ZFP64: variants seen among roughly 807,000 people sequenced by gnomAD.
The protein encoded by ZFP64 is ZFP64 zinc finger protein.
Under a neutral mutation model 51.6 loss-of-function variants are expected in ZFP64, and 14 were observed. The ratio of observed to expected loss-of-function variants is 0.27; its 90% CI spans 0.18 to 0.42. The LOEUF is 0.42. Among genes scored for constraint, ZFP64 ranks in the 10% least tolerant of loss-of-function variants. The pLI, the probability that ZFP64 is intolerant of heterozygous loss-of-function variation, is 1.00. For missense variants in ZFP64, 754 were observed against 906.8 expected (o/e 0.83, Z 2.16); for synonymous variants, 375 against 361.4 (o/e 1.04, Z -0.43).
At chr20:52,115,044 A>C (rs1978788914) in intron 5 of ZFP64, among the ~76,000 whole-genome samples, 1 of 152,000 alleles carries the variant, frequency 6.6e-6, no homozygotes, top group Non-Finnish European at 1.5e-5. Context: ...AAAAATACAA[A>C]AACAAAAAAA....
chr20:52,098,231 A>G (rs144649050), intron 6 of ZFP64, among the ~76,000 whole-genome samples: 114 of 151,896 alleles, frequency 7.5e-4, no homozygotes, highest in African/African-American at 2.8e-3. Flanking sequence ...GCTACTATGA[A>G]TCCAATGTTC....
intron 5 of ZFP64, among the ~76,000 whole-genome samples, chr20:52,103,659 C>T (rs1338315574): frequency 7.9e-5 from 12 of 152,178 alleles, no homozygotes; most frequent in Non-Finnish European, 1.2e-4. Context: ...TCTATAAACA[C>T]CTCCCCCAAA....
At chr20:52,162,129 CT>C (rs539501519) in intron 4 of ZFP64, among the ~76,000 whole-genome samples, 6 of 151,818 alleles carry the variant, frequency 4.0e-5, no homozygotes, top group Non-Finnish European at 8.8e-5. Flanking sequence ...GAAACCCTGT[CT>C]GAACTAAAAA....
chr20:52,166,120 G>C (rs1215190728), intron 2 of ZFP64, 95 bp from the exon 3 acceptor site: 1 of 1,332,046 alleles, frequency 7.5e-7, no homozygotes, highest in Non-Finnish European at 1.0e-6. Context: ...GCATGTACTA[G>C]TTTGCTTTCC....
chr20:52,172,780 C>T (rs1982862821), intron 2 of ZFP64, among the ~76,000 whole-genome samples: 1 of 152,074 alleles, frequency 6.6e-6, no homozygotes, highest in South Asian at 2.1e-4. Flanking sequence ...AATCAAGCCT[C>T]CTGTTTAGTG....
chr20:52,160,108 A>G lies in ZFP64; in HGVS notation c.763+15T>C. On this transcript the variant is annotated intron_variant, in intron 5 of 5. Coordinates refer to ENST00000216923, the MANE Select transcript of ZFP64 (RefSeq NM_018197.3). This position sits in a 1 kb window ranked among gnomAD's most constrained non-coding sequence, Gnocchi z 4.2. ...AAGTGAGGAGCGTAGAGAGCAAATAACAGGCAGGACTCACCCGTGTGGGAT... is the reference window on the plus strand; with the variant it reads ...AAGTGAGGAGCGTAGAGAGCAAATAGCAGGCAGGACTCACCCGTGTGGGAT... 6.2e-7 allele frequency: 1 copy of G among 1,614,224 alleles called. No individual in the cohort carries two copies. The highest frequency in any genetic ancestry group is 8.5e-7 in the Non-Finnish European group (1 of 1,180,040).
chr20:52,086,547 A>T (rs900205166), intron 8 of ZFP64, among the ~76,000 whole-genome samples: 1 of 149,636 alleles, frequency 6.7e-6, no homozygotes, highest in African/African-American at 2.5e-5. Context: ...ACGCAATCTC[A>T]GCTCACTGCA....
At chr20:52,183,872 G>A (rs1309902456) in intron 2 of ZFP64, among the ~76,000 whole-genome samples, 1 of 152,014 alleles carries the variant, frequency 6.6e-6, no homozygotes, top group African/African-American at 2.4e-5. Flanking sequence ...TTTATTTTTT[G>A]AAATGGAATC....
chr20:52,126,109 G>T (rs1014936193), intron 5 of ZFP64, among the ~76,000 whole-genome samples: 1 of 152,120 alleles, frequency 6.6e-6, no homozygotes, highest in Admixed American at 6.6e-5. Flanking sequence ...TGTTGGCCAG[G>T]CTGGTCTCGA....
intron 5 of ZFP64, among the ~76,000 whole-genome samples, chr20:52,130,416 G>C (rs67638808): frequency 0.19 from 28,711 of 151,884 alleles, 3,092 homozygotes; most frequent in Admixed American, 0.26. Flanking sequence ...GTCTCCTTAT[G>C]TTGTCCACTC....
intron 4 of ZFP64, among the ~76,000 whole-genome samples, chr20:52,161,446 CTTTCTTTT>C (rs1227948584): frequency 7.8e-6 from 1 of 127,724 alleles, no homozygotes; most frequent in Non-Finnish European, 1.6e-5. Flanking sequence ...CTTGTGATTG[CTTTCTTTT>C]TTTTTTTTTT....
At chr20:52,139,410 G>A (rs375361896) in intron 5 of ZFP64, among the ~76,000 whole-genome samples, 8 of 152,080 alleles carry the variant, frequency 5.3e-5, no homozygotes, top group Non-Finnish European at 1.0e-4. Context: ...ACAGAAAACC[G>A]AACACCACAT....
chr20:52,096,822 G>A (rs1036007779), intron 7 of ZFP64: 2 of 256,836 alleles, frequency 7.8e-6, no homozygotes, highest in Admixed American at 8.5e-5. Flanking sequence ...CTGGGAGGCA[G>A]GGGTCGCAAT....
chr20:52,104,431 C>T (rs559215458), intron 5 of ZFP64, among the ~76,000 whole-genome samples: 2 of 152,314 alleles, frequency 1.3e-5, no homozygotes, highest in African/African-American at 4.8e-5. Flanking sequence ...TGGGGGCCGC[C>T]TGTTAAGTGC....
At chr20:52,165,480 A>AT (rs1489726996) in intron 3 of ZFP64, 1 of 466,160 alleles carries the variant, frequency 2.1e-6, no homozygotes, top group Non-Finnish European at 4.3e-6. Flanking sequence ...GCATACAGGG[A>AT]TTTTTTTGGT....
At position 52,105,359 on chromosome 20, in the gene ZFP64, C is replaced by G. The variant is rs1260716987; in HGVS notation, c.764-6772G>C. 9.7e-6 allele frequency: 12 copies of G among 1,242,140 alleles called. No homozygotes were observed. In the South Asian group the frequency reaches 4.6e-4, roughly 48 times the overall value. 76.9% of individuals were successfully genotyped at this position (1,242,140 alleles called of 1,614,324 possible). A position where few individuals can be genotyped will look rare whatever the true frequency, so the allele number is the denominator to read the frequency against. On this transcript the variant is annotated intron_variant, in intron 5 of 8. Transcript: ENST00000361387. ...CGCATGTCCCGGCAATTCTGCTCAT[C>G]AGCCGAGCAGGGCGATTTATCAAGA...
In ZFP64 at chr20:52,160,350, A is replaced by T. The variant is rs1164120604; in HGVS notation, c.536T>A (p.Val179Asp). The T allele has an allele frequency of 1.9e-6, 3 of 1,613,984 alleles. No homozygotes were observed. The highest frequency in any genetic ancestry group is 2.7e-5 in the African/African-American group (2 of 74,942). ...TTTCCGGCTAAAGCACTTGCCACAG[A>T]CTTCACACTTATGGGGTTTGTCTCC... The part of the protein sequence containing the change: ...HTGDKPHKCE[V>D]CGKCFSRKDK... The change falls in exon 5 of 6, where the codon GTC becomes GAC. Residue 179 changes from valine (V) to aspartate (D), a missense_variant. Coordinates refer to ENST00000216923, the MANE Select transcript of ZFP64 (RefSeq NM_018197.3). This position sits in a 1 kb window ranked among gnomAD's most constrained non-coding sequence, Gnocchi z 4.2.
intron 5 of ZFP64, among the ~76,000 whole-genome samples, chr20:52,139,084 T>C (rs1357604940): frequency 6.6e-6 from 1 of 152,190 alleles, no homozygotes; most frequent in East Asian, 1.9e-4. Context: ...ACACTGCTTG[T>C]GGGAATGTAA....
At chr20:52,145,024 A>G (rs754464460) in intron 5 of ZFP64, among the ~76,000 whole-genome samples, 1 of 152,232 alleles carries the variant, frequency 6.6e-6, no homozygotes, top group African/African-American at 2.4e-5. Flanking sequence ...AACAGAACAG[A>G]TAATTTCTGA....
Sources: allele counts gnomAD v4.1 joint callset (sites outside exome capture counted in the v4.1 genomes callset), GRCh38; gene constraint gnomAD v4.1.1; non-coding constraint Gnocchi (gnomAD v3.1); transcripts MANE v1.5; gene names NCBI Gene and HGNC (gene_info 2026-07-23, HGNC 2026-07-21).